Variants in FCHO2 observed in about 807,000 individuals in gnomAD.
FCHO2 encodes the protein F-BAR domain only protein 2.
FCHO2 carries 43 observed loss-of-function variants against 114.1 expected under a neutral mutation model. That is an observed-to-expected ratio of 0.38 (90% CI 0.30 to 0.49). The LOEUF is 0.49. FCHO2 is among the 20% of genes least tolerant of loss of function. The probability of loss-of-function intolerance (pLI) is 0.97; values close to 1 mark genes in which losing one functional copy is unlikely to be tolerated. For synonymous variants in FCHO2, 293 were observed against 315.2 expected, an observed-to-expected ratio of 0.93 and a Z score of 0.75; for missense variants, 807 against 950.4, an observed-to-expected ratio of 0.85 and a Z score of 1.98.
At chr5:72,996,840 C>CG (rs998118941) in intron 5 of FCHO2, 18 of 977,462 alleles carry the variant, frequency 1.8e-5, no homozygotes, top group African/African-American at 1.1e-4. Flanking sequence ...CTCCCGGCAA[C>CG]GGGGGGCTGG....
At chr5:72,975,918 T>C (rs1752843253) in intron 2 of FCHO2, among the ~76,000 whole-genome samples, 1 of 152,224 alleles carries the variant, frequency 6.6e-6, no homozygotes, top group African/African-American at 2.4e-5. Flanking sequence ...CAATTATGAA[T>C]ACAGCTGCAG....
chr5:73,055,134 AAATGAAT>A (rs1466747431), intron 15 of FCHO2: 1 of 313,812 alleles, frequency 3.2e-6, no homozygotes, highest in Non-Finnish European at 6.5e-6. Context: ...GAGACCTAGT[AAATGAAT>A]AATAAATACC....
In FCHO2 at chr5:73,051,469, A is replaced by C. The variant is rs1328326350; in HGVS notation, c.997+63A>C. 2.9e-6 allele frequency: 3 copies of C among 1,044,016 alleles called. No individual in the cohort carries two copies. The African/African-American group carries it at 4.9e-5, about 17-fold the overall frequency. The allele number at this position is 1,044,016 out of a possible 1,614,324, so 64.7% of individuals were successfully genotyped here. A position where few individuals can be genotyped will look rare whatever the true frequency, so the allele number is the denominator to read the frequency against. The stretch of plus-strand genomic sequence containing the variant: ...TGGCATATAAGTAGGCAGTTATAAG[A>C]AAATCATGTATTAAAGCCTCTTCCA... On this transcript the variant is annotated intron_variant, in intron 12 of 25. Transcript: ENST00000430046.
Position 73,030,027 on chromosome 5 carries a change from TTTTC to T in FCHO2, c.797-4618_797-4615del, listed in dbSNP as rs1293103191. On this transcript the variant is annotated intron_variant, in intron 8 of 25. Transcript: ENST00000430046. ...TTTTTTATGTACAGAAATTGATTTC[TTTTC>T]TTTCTTTCTTTTTGTTTTTTTTTTT... is the stretch of plus-strand genomic sequence containing the variant. Among the ~76,000 whole-genome samples, 38 of 150,868 alleles carry T rather than the reference TTTTC, an allele frequency of 2.5e-4. No homozygotes were observed. In the East Asian group the frequency reaches 3.8e-3, roughly 15 times the overall value.
chr5:73,039,860 C>T (rs1231508354), intron 10 of FCHO2, among the ~76,000 whole-genome samples: 2 of 150,818 alleles, frequency 1.3e-5, no homozygotes, highest in South Asian at 2.1e-4. Context: ...CCTGGAAGGC[C>T]GAAGTTGCAG....
At chr5:72,966,240 G>A (rs1752193521) in intron 1 of FCHO2, among the ~76,000 whole-genome samples, 1 of 152,158 alleles carries the variant, frequency 6.6e-6, no homozygotes, top group Non-Finnish European at 1.5e-5. Flanking sequence ...AAAACTGAAT[G>A]CTATCCAGGT....
At chr5:73,049,914 A>G (rs1757262663) in intron 11 of FCHO2, among the ~76,000 whole-genome samples, 1 of 152,150 alleles carries the variant, frequency 6.6e-6, no homozygotes, top group African/African-American at 2.4e-5. Flanking sequence ...ATATACATAT[A>G]AATACCATCA....
rs1419885559 is a variant in FCHO2, at chr5:72,975,483, T to A, written c.125+6894T>A. The stretch of plus-strand genomic sequence containing the variant: ...CTGGGATTATAGCCCTGCGCCATCA[T>A]GTTCGGCTGATTTTTGTATTATTCT... On this transcript the variant is annotated intron_variant, in intron 2 of 25. Coordinates refer to ENST00000430046, the MANE Select transcript of FCHO2 (RefSeq NM_138782.3). Among the ~76,000 whole-genome samples the A allele has an allele frequency of 2.0e-5, 3 of 152,042 alleles. No homozygotes were observed. In the East Asian group the frequency reaches 5.8e-4, roughly 29 times the overall value.
intron 18 of FCHO2, among the ~76,000 whole-genome samples, chr5:73,068,280 G>A (rs554869408): frequency 6.6e-6 from 1 of 152,098 alleles, no homozygotes; most frequent in Admixed American, 6.6e-5. Flanking sequence ...TGGCAAGGGT[G>A]TAGAGAAATA....
chr5:73,051,362 T>G lies in FCHO2; in HGVS notation c.953T>G (p.Val318Gly). Residue 318 changes from valine (V) to glycine (G), a missense_variant, in exon 12 of 26, where the codon GTA becomes GGA. Transcript: ENST00000430046. Reference protein sequence around the residue: ...PDADSLNIPDVDEEGYSIKPE... With the variant: ...PDADSLNIPDGDEEGYSIKPE... ...TTTTTCCCTTAGAACATTCCTGATGTAGATGAAGAAGGCTACAGTATTAAA... is the reference window on the plus strand; with the variant it reads ...TTTTTCCCTTAGAACATTCCTGATGGAGATGAAGAAGGCTACAGTATTAAA... 1 of 1,531,946 alleles carries G rather than the reference T, an allele frequency of 6.5e-7. No homozygotes were observed. Among genetic ancestry groups the G allele is most frequent in the South Asian group, 1.2e-5 (1 of 82,490 alleles). The allele number at this position is 1,531,946 out of a possible 1,614,324, so 94.9% of individuals were successfully genotyped here. A position where few individuals can be genotyped will look rare whatever the true frequency, so the allele number is the denominator to read the frequency against.
intron 1 of FCHO2, among the ~76,000 whole-genome samples, chr5:72,966,198 C>T (rs891682219): frequency 3.3e-5 from 5 of 152,160 alleles, no homozygotes; most frequent in East Asian, 1.9e-4. Flanking sequence ...AGCAACATAG[C>T]GAGACCCTGT....
intron 18 of FCHO2, among the ~76,000 whole-genome samples, chr5:73,065,667 A>G (rs1230861136): frequency 6.6e-6 from 1 of 152,048 alleles, no homozygotes; most frequent in African/African-American, 2.4e-5. Context: ...TTTAAATAAA[A>G]AGTCATACTT....
chr5:72,971,220 A>G (rs920650690), intron 2 of FCHO2, among the ~76,000 whole-genome samples: 9 of 152,134 alleles, frequency 5.9e-5, no homozygotes, highest in African/African-American at 2.2e-4. Context: ...ATACCCAGTA[A>G]TGGGATGGCT....
intron 2 of FCHO2, among the ~76,000 whole-genome samples, chr5:72,974,551 G>T (rs1302760095): frequency 2.0e-5 from 3 of 150,968 alleles, no homozygotes; most frequent in Admixed American, 6.6e-5. Context: ...TTTTCCATTT[G>T]CTTGGTAGAT....
intron 1 of FCHO2, among the ~76,000 whole-genome samples, chr5:72,957,503 C>G (rs1004736904): frequency 1.3e-5 from 2 of 152,312 alleles, no homozygotes; most frequent in Non-Finnish European, 2.9e-5. Context: ...GCATAATGTT[C>G]TCAAAGTTTA....
At chr5:73,037,799 C>A in intron 10 of FCHO2, 1 of 339,106 alleles carries the variant, frequency 2.9e-6, no homozygotes, top group Non-Finnish European at 5.8e-6. Flanking sequence ...TGTTGTTGCC[C>A]AGGTTGGAAT....
intron 2 of FCHO2, among the ~76,000 whole-genome samples, chr5:72,973,874 A>G (rs1047206615): frequency 2.1e-4 from 32 of 149,190 alleles, no homozygotes; most frequent in Admixed American, 9.3e-4. Context: ...ACTGCTTTGA[A>G]TGCGTCCCAG....
At chr5:72,965,939 A>G (rs1198201224) in intron 1 of FCHO2, among the ~76,000 whole-genome samples, 1 of 152,162 alleles carries the variant, frequency 6.6e-6, no homozygotes, top group African/African-American at 2.4e-5. Flanking sequence ...TGTTTGCAGG[A>G]TAGTACCTCC....
At chr5:72,960,833 C>T (rs543492900) in intron 1 of FCHO2, among the ~76,000 whole-genome samples, 30 of 152,178 alleles carry the variant, frequency 2.0e-4, no homozygotes, top group Non-Finnish European at 3.7e-4. Context: ...AGAGTAATCC[C>T]AATCTATATA....
Sources: allele counts gnomAD v4.1 joint callset (sites outside exome capture counted in the v4.1 genomes callset), GRCh38; gene constraint gnomAD v4.1.1; transcripts MANE v1.5; gene names NCBI Gene and HGNC (gene_info 2026-07-23, HGNC 2026-07-21).